SRRM4: variants seen among roughly 807,000 people sequenced by gnomAD.
The protein encoded by SRRM4 is serine/arginine repetitive matrix 4.
A neutral mutation model predicts 68.9 loss-of-function variants in SRRM4; 33 were observed. That is an observed-to-expected ratio of 0.48 (90% CI 0.36 to 0.64). SRRM4 has a LOEUF of 0.64. Among genes scored for constraint, SRRM4 ranks in the 30% least tolerant of loss-of-function variants. The probability of loss-of-function intolerance (pLI) is 0.00; values close to 1 mark genes in which losing one functional copy is unlikely to be tolerated. For missense variants in SRRM4, 817 were observed against 827.1 expected (o/e 0.99, Z 0.15); for synonymous variants, 318 against 318.8 (o/e 1.00, Z 0.03).
intron 2 of SRRM4, among the ~76,000 whole-genome samples, chr12:119,110,859 G>A (rs527239566): frequency 1.6e-4 from 25 of 152,286 alleles, no homozygotes; most frequent in African/African-American, 5.8e-4. Flanking sequence ...GATGAACCCG[G>A]TACCTTAGTT....
intron 1 of SRRM4, among the ~76,000 whole-genome samples, chr12:118,992,743 G>A (rs961095676): frequency 1.3e-5 from 2 of 152,178 alleles, no homozygotes; most frequent in Non-Finnish European, 2.9e-5. Flanking sequence ...CAGCCAGGGG[G>A]ACCTTCAGAA....
rs374414720 is a variant in SRRM4 at position 119,145,551 on chromosome 12, G to A, written c.942G>A (p.Gly314=). The A allele has an allele frequency of 6.2e-7, 1 of 1,606,536 alleles. No homozygotes were observed. Among genetic ancestry groups the A allele is most frequent in the East Asian group, 2.2e-5 (1 of 44,676 alleles). Residue 314 remains glycine (G), a synonymous_variant, in exon 9 of 13, where the codon GGG becomes GGA. Coordinates refer to ENST00000267260, the MANE Select transcript of SRRM4 (RefSeq NM_194286.4). ...GCCAGGAGAAGGGGAGCCCCAGTGG[G>A]GGCTTGAGCAAGAGCCGGGAGCTCA... ...SRGQEKGSPS[G]GLSKSRELNS...
rs1004772122 is a variant in SRRM4, at chr12:119,121,967, C to T, written c.465-103C>T. 62 of 778,484 alleles carry T rather than the reference C, an allele frequency of 8.0e-5. No homozygotes were observed. In the Admixed American group the frequency reaches 1.2e-3, roughly 15 times the overall value. The allele number at this position is 778,484 out of a possible 1,614,324, so 48.2% of individuals were successfully genotyped here. ...CTGAGGCAATGATCAGTGTCCATTC[C>T]AAAACTGCCTGGATCTCACACTGTG... On this transcript the variant is annotated intron_variant, in intron 5 of 12. Transcript: ENST00000267260.
At chr12:119,035,341 C>T (rs1290649968) in intron 1 of SRRM4, among the ~76,000 whole-genome samples, 1 of 152,170 alleles carries the variant, frequency 6.6e-6, no homozygotes, top group South Asian at 2.1e-4. Context: ...GTTATTGAAA[C>T]TGGAAAAGTT....
chr12:119,042,310 G>A (rs1449949183), intron 1 of SRRM4, among the ~76,000 whole-genome samples: 1 of 151,880 alleles, frequency 6.6e-6, no homozygotes, highest in Non-Finnish European at 1.5e-5. Context: ...AGGGGTCAGA[G>A]GGTGGGCAAG....
intron 1 of SRRM4, among the ~76,000 whole-genome samples, chr12:118,993,180 C>A (rs969885589): frequency 8.5e-5 from 13 of 152,114 alleles, no homozygotes; most frequent in Non-Finnish European, 1.8e-4. Context: ...AAGTTTAATG[C>A]CCTCATGCCA....
intron 1 of SRRM4, among the ~76,000 whole-genome samples, chr12:119,060,957 C>T (rs1953808000): frequency 6.6e-6 from 1 of 152,180 alleles, no homozygotes; most frequent in Non-Finnish European, 1.5e-5. Context: ...GATACCACGT[C>T]CCTTCCCCAC....
chr12:119,075,324 T>C (rs1180044557), intron 1 of SRRM4, among the ~76,000 whole-genome samples: 1 of 152,184 alleles, frequency 6.6e-6, no homozygotes, highest in African/African-American at 2.4e-5. Context: ...TAACTACTTA[T>C]TGCATCAGCA....
intron 9 of SRRM4, among the ~76,000 whole-genome samples, chr12:119,148,937 A>C (rs2136067507): frequency 6.6e-6 from 1 of 152,046 alleles, no homozygotes; most frequent in Non-Finnish European, 1.5e-5. Flanking sequence ...GAAGGTAGGG[A>C]GCTGGTGAGG....
intron 8 of SRRM4, among the ~76,000 whole-genome samples, chr12:119,132,836 G>T (rs927841392): frequency 2.0e-5 from 3 of 152,142 alleles, no homozygotes; most frequent in African/African-American, 7.2e-5. Flanking sequence ...ATTCACATGG[G>T]CCATGGCAAG....
At chr12:119,097,790 A>G (rs1384109926) in intron 1 of SRRM4, among the ~76,000 whole-genome samples, 2 of 152,160 alleles carry the variant, frequency 1.3e-5, no homozygotes, top group Non-Finnish European at 1.5e-5. Flanking sequence ...TGGCAGTAGC[A>G]TCCACCAGCT....
chr12:119,117,005 G>A lies in SRRM4; in HGVS notation c.434G>A (p.Arg145His), dbSNP rs189389386. The change falls in exon 4 of 13, where the codon CGC (arginine) becomes CAC (histidine). Residue 145 changes from arginine (R) to histidine (H), a missense_variant. Coordinates refer to ENST00000267260, the MANE Select transcript of SRRM4 (RefSeq NM_194286.4). ...AAAAGTTCCAAGAAACACAAGCGAC[G>A]CAGGTATTGTCCTTTTTCTCTGCAA... ...KKKSSKKHKR[R>H]RSFSKKRRHS... 39 of 1,613,790 alleles carry A rather than the reference G, an allele frequency of 2.4e-5. No individual in the cohort carries two copies. Among genetic ancestry groups the A allele is most frequent in the African/African-American group, 1.3e-4 (10 of 75,044 alleles).
chr12:119,047,412 G>A (rs541516539), intron 1 of SRRM4, among the ~76,000 whole-genome samples: 21 of 152,046 alleles, frequency 1.4e-4, no homozygotes, highest in Non-Finnish European at 2.5e-4. Context: ...AGTGATTTCC[G>A]AGATTTTGGT....
chr12:119,065,119 C>G (rs966146708), intron 1 of SRRM4, among the ~76,000 whole-genome samples: 4 of 152,142 alleles, frequency 2.6e-5, no homozygotes, highest in African/African-American at 9.7e-5. Context: ...TTGAGGCTCA[C>G]AGAAGTAGGT....
At chr12:119,002,236 AT>A (rs924230006) in intron 1 of SRRM4, among the ~76,000 whole-genome samples, 5 of 151,760 alleles carry the variant, frequency 3.3e-5, no homozygotes, top group African/African-American at 9.7e-5. Flanking sequence ...AAAAAAAAAA[AT>A]TTTTTTTCAA....
chr12:119,057,737 T>C (rs927570572), intron 1 of SRRM4, among the ~76,000 whole-genome samples: 3 of 152,312 alleles, frequency 2.0e-5, no homozygotes, highest in African/African-American at 4.8e-5. Flanking sequence ...GGCCAAATGG[T>C]ATTTCTGTTT....
At chr12:118,990,214 C>T (rs1194169594) in intron 1 of SRRM4, among the ~76,000 whole-genome samples, 1 of 152,120 alleles carries the variant, frequency 6.6e-6, no homozygotes, top group Non-Finnish European at 1.5e-5. Flanking sequence ...GAACCCAGAG[C>T]TCTTAACCAA....
At chr12:119,003,743 A>G (rs1260970962) in intron 1 of SRRM4, among the ~76,000 whole-genome samples, 5 of 151,970 alleles carry the variant, frequency 3.3e-5, no homozygotes, top group Non-Finnish European at 5.9e-5. Context: ...AGTCCTTTCC[A>G]TGTATCTCCT....
intron 5 of SRRM4, among the ~76,000 whole-genome samples, chr12:119,120,547 T>C (rs1268688141): frequency 6.6e-6 from 1 of 152,174 alleles, no homozygotes; most frequent in Non-Finnish European, 1.5e-5. Flanking sequence ...CCCCTGCCAC[T>C]GGTTGGAATC....
Sources: gnomAD v4.1 joint callset for allele counts (sites outside exome capture counted in the v4.1 genomes callset) on GRCh38, gnomAD v4.1.1 for gene constraint, MANE v1.5 for transcripts, NCBI Gene and HGNC (gene_info 2026-07-23, HGNC 2026-07-21) for gene names.